FYB1: variants seen among roughly 807,000 people sequenced by gnomAD.
FYB1 encodes FYN-binding protein 1.
Under a neutral mutation model 94.1 loss-of-function variants are expected in FYB1, and 41 were observed. The observed-to-expected ratio is 0.44, with a 90% CI of 0.34 to 0.57. The LOEUF is 0.57. Among genes scored for constraint, FYB1 ranks in the 20% least tolerant of loss-of-function variants. FYB1 has a pLI of 0.02. For missense variants in FYB1, 1,050 were observed against 976.8 expected, an observed-to-expected ratio of 1.07 and a Z score of -1.00; for synonymous variants, 367 against 353.2, an observed-to-expected ratio of 1.04 and a Z score of -0.44.
Position 39,107,380 on chromosome 5 carries a change from C to A in FYB1, c.*63G>T. The A allele has an allele frequency of 8.2e-7, 1 of 1,216,514 alleles. No homozygotes were observed. Among genetic ancestry groups the A allele is most frequent in the Non-Finnish European group, 1.1e-6 (1 of 887,990 alleles). 75.4% of individuals were successfully genotyped at this position (1,216,514 alleles called of 1,614,324 possible). A position where few individuals can be genotyped will look rare whatever the true frequency, so the allele number is the denominator to read the frequency against. On this transcript the variant is annotated 3_prime_UTR_variant, in exon 19 of 19. Transcript: ENST00000512982. The stretch of plus-strand genomic sequence containing the variant: ...ATTTTCTTGATACCCAATAACATGC[C>A]AATTAAAATCCAGACTTCACATTGG...
rs146136197 is a variant in FYB1, at chr5:39,130,818, C to A, written c.1818-206G>T. 6.4e-3 allele frequency among the ~76,000 whole-genome samples: 969 copies of A among 152,072 alleles called. 12 individuals are homozygous for A. Among genetic ancestry groups the A allele is most frequent in the African/African-American group, 0.022 (908 of 41,494 alleles). On this transcript the variant is annotated intron_variant, in intron 9 of 18. Transcript: ENST00000512982. ...AACAAAACAAAACAAATAAAAACAA[C>A]AAGAATTAAGTTAATTATGCACTAT...
chr5:39,218,016 T>C (rs939184567), intron 1 of FYB1, among the ~76,000 whole-genome samples: 2 of 152,160 alleles, frequency 1.3e-5, no homozygotes, highest in Non-Finnish European at 2.9e-5. Context: ...AGGTGCAGCA[T>C]TGCACCAGAA....
At position 39,202,332 on chromosome 5, in the gene FYB1, T is replaced by C. The variant is rs752793350; in HGVS notation, c.629A>G (p.His210Arg). 10 of 1,613,910 alleles carry C rather than the reference T, an allele frequency of 6.2e-6. No individual in the cohort carries two copies. In the Admixed American group the frequency reaches 1.3e-4, roughly 22 times the overall value. ...ATTCTTCATGGGGCTTTCGTCTTCATGGGAGTTCTCGGTACTTAGGGGCGG... is the reference window on the plus strand; with the variant it reads ...ATTCTTCATGGGGCTTTCGTCTTCACGGGAGTTCTCGGTACTTAGGGGCGG... ...QKPPLSTENS[H>R]EDESPMKNVS... Residue 210 changes from histidine (H) to arginine (R), a missense_variant, in exon 2 of 19, where the codon CAT becomes CGT. Coordinates refer to ENST00000512982, the MANE Select transcript of FYB1 (RefSeq NM_001465.6).
At chr5:39,147,408 A>G (rs2150345808) in intron 3 of FYB1, among the ~76,000 whole-genome samples, 1 of 151,324 alleles carries the variant, frequency 6.6e-6, no homozygotes, top group South Asian at 2.1e-4. Context: ...AGCTGAGACG[A>G]CAGGCACGTG....
At chr5:39,247,074 A>ATATATG (rs1463265099) in intron 1 of FYB1, among the ~76,000 whole-genome samples, 561 of 20,542 alleles carry the variant, frequency 0.027, 7 homozygotes, top group South Asian at 0.063. Flanking sequence ...GCGTGTTCAT[A>ATATATG]TATATATATA....
rs1212614337 is a variant in FYB1, at chr5:39,233,520, A to G, written c.-27-30533T>C. 2.0e-5 allele frequency among the ~76,000 whole-genome samples: 3 copies of G among 152,208 alleles called. No homozygotes were observed. The East Asian group carries it at 5.8e-4, about 29-fold the overall frequency. ...CCAAAATGCTTTTGTTAACGTTGGT[A>G]ATAAGTGAGAAAACTTTAATTTACT... On this transcript the variant is annotated intron_variant, in intron 1 of 1. Coordinates refer to the FYB1 transcript ENST00000510188.
rs1317445643 is a variant in FYB1 at position 39,201,920 on chromosome 5, C to A, written c.1041G>T (p.Leu347Phe). The A allele has an allele frequency of 1.2e-6, 2 of 1,614,002 alleles. No homozygotes were observed. The highest frequency in any genetic ancestry group is 3.3e-5 in the Admixed American group (2 of 60,024). The change falls in exon 2 of 19, where the codon TTG becomes TTT. Residue 347 changes from leucine (L) to phenylalanine (F), a missense_variant. Transcript: ENST00000512982. Reference protein sequence around the residue: ...KNSATPKQKPLPPLFTLGPPP... With the variant: ...KNSATPKQKPFPPLFTLGPPP... ...GTGGACCCAAGGTAAACAAGGGAGGCAATGGCTTCTGTTTCGGGGTGGCTG... is the reference window on the plus strand; with the variant it reads ...GTGGACCCAAGGTAAACAAGGGAGGAAATGGCTTCTGTTTCGGGGTGGCTG...
chr5:39,226,333 A>G (rs534474295), intron 1 of FYB1, among the ~76,000 whole-genome samples: 17 of 152,222 alleles, frequency 1.1e-4, no homozygotes, highest in African/African-American at 4.1e-4. Context: ...AGGGTTGTCA[A>G]CATGATCTTC....
chr5:39,242,262 T>A (rs543394363), intron 1 of FYB1, among the ~76,000 whole-genome samples: 2 of 151,562 alleles, frequency 1.3e-5, no homozygotes, highest in Non-Finnish European at 1.5e-5. Context: ...TTACATTAGG[T>A]ATATCTCCTA....
intron 1 of FYB1, among the ~76,000 whole-genome samples, chr5:39,265,255 G>A (rs575794922): frequency 6.6e-6 from 1 of 152,300 alleles, no homozygotes; most frequent in Non-Finnish European, 1.5e-5. Context: ...GCCGAGGCAG[G>A]TGGATCATGA....
chr5:39,169,643 G>A (rs907614011), intron 2 of FYB1: 9 of 442,060 alleles, frequency 2.0e-5, no homozygotes, highest in Middle Eastern at 5.6e-4. Context: ...TCAGGAGTTC[G>A]AGACCAGTCT....
intron 2 of FYB1, among the ~76,000 whole-genome samples, chr5:39,195,953 A>G (rs1042436633): frequency 1.1e-4 from 8 of 75,932 alleles, no homozygotes; most frequent in African/African-American, 3.3e-4. Context: ...TTAGGAAAAA[A>G]AAATTTAGCT....
intron 2 of FYB1, among the ~76,000 whole-genome samples, chr5:39,159,964 C>G (rs1307758401): frequency 6.6e-6 from 1 of 152,130 alleles, no homozygotes; most frequent in African/African-American, 2.4e-5. Flanking sequence ...CTTCCCCCAC[C>G]CTAGATACCA....
intron 16 of FYB1, among the ~76,000 whole-genome samples, chr5:39,114,076 T>C (rs982352456): frequency 9.2e-5 from 14 of 152,106 alleles, no homozygotes; most frequent in African/African-American, 3.1e-4. Flanking sequence ...AAATGATCAA[T>C]TGGATTTGGG....
chr5:39,130,526 C>G, intron 10 of FYB1, 64 bp downstream of exon 10: 2 of 1,289,742 alleles, frequency 1.6e-6, no homozygotes, highest in South Asian at 1.3e-5. Context: ...CACATGTGCT[C>G]CATAAATACA....
chr5:39,207,172 G>A (rs992735103), intron 1 of FYB1, among the ~76,000 whole-genome samples: 9 of 151,992 alleles, frequency 5.9e-5, no homozygotes, highest in African/African-American at 1.9e-4. Flanking sequence ...ATTTGAATTT[G>A]CAAATTCAAA....
chr5:39,234,097 C>T (rs1349322925), intron 1 of FYB1, among the ~76,000 whole-genome samples: 1 of 152,088 alleles, frequency 6.6e-6, no homozygotes, highest in Admixed American at 6.6e-5. Flanking sequence ...AGGCTCATTT[C>T]TAGGTCTTTA....
At chr5:39,170,399 C>T (rs558329008) in intron 2 of FYB1, 16 of 616,316 alleles carry the variant, frequency 2.6e-5, no homozygotes, top group Admixed American at 6.3e-5. Context: ...GTGGTCTTGT[C>T]GCCGTCCTGG....
At chr5:39,214,362 CA>C (rs763422914) in intron 1 of FYB1, among the ~76,000 whole-genome samples, 1 of 152,260 alleles carries the variant, frequency 6.6e-6, no homozygotes, top group East Asian at 1.9e-4. Context: ...ATAGAATGAC[CA>C]AATGATCCAA....
Sources: gnomAD v4.1 joint callset for allele counts (sites outside exome capture counted in the v4.1 genomes callset) on GRCh38, gnomAD v4.1.1 for gene constraint, MANE v1.5 for transcripts, NCBI Gene and HGNC (gene_info 2026-07-23, HGNC 2026-07-21) for gene names.